The following TBC1D9B variants were observed in gnomAD, a reference collection of about 807,000 sequenced individuals.
TBC1D9B encodes the protein TBC1 domain family, member 9B (with GRAM domain).
In TBC1D9B, 87 loss-of-function variants were observed where a neutral mutation model predicts 121.1. The ratio of observed to expected loss-of-function variants is 0.72; its 90% CI spans 0.60 to 0.86. The LOEUF (loss-of-function observed/expected upper bound fraction) is 0.86, where lower values mean the gene tolerates loss of function less well. Among genes scored for constraint, TBC1D9B ranks in the 40% least tolerant of loss-of-function variants. The probability of loss-of-function intolerance (pLI) is 0.00; values close to 1 mark genes in which losing one functional copy is unlikely to be tolerated. For synonymous variants in TBC1D9B, 668 were observed against 670.1 expected, an observed-to-expected ratio of 1.00 and a Z score of 0.05; for missense variants, 1,540 against 1,628.6, an observed-to-expected ratio of 0.95 and a Z score of 0.94.
intron 6 of TBC1D9B, 64 bp from the exon 7 acceptor site, chr5:179,888,376 G>T: frequency 1.3e-6 from 2 of 1,497,030 alleles, no homozygotes; most frequent in Non-Finnish European, 1.8e-6. Context: ...GGCATGCTTT[G>T]TGAATGGCAG....
At chr5:179,871,554 A>G in intron 14 of TBC1D9B, 24 bp from the exon 15 acceptor site, 2 of 1,609,072 alleles carry the variant, frequency 1.2e-6, no homozygotes. Flanking sequence ...GAAACAGGGT[A>G]TATAGCTGGA....
At chr5:179,869,895 G>T (rs1582076466) in intron 16 of TBC1D9B, 61 bp from the exon 17 acceptor site, 2 of 1,458,996 alleles carry the variant, frequency 1.4e-6, no homozygotes, top group East Asian at 2.3e-5. Flanking sequence ...CCTTCCAGGG[G>T]GTCCGAGTAG....
intron 17 of TBC1D9B, 28 bp downstream of exon 17, chr5:179,869,741 G>A: frequency 6.2e-7 from 1 of 1,610,972 alleles, no homozygotes; most frequent in Non-Finnish European, 8.5e-7. Flanking sequence ...GGGAGACCCT[G>A]GCTGGGGAGT....
rs1760309450 is a variant in TBC1D9B, at chr5:179,874,737, T to C, written c.2186+165A>G. On this transcript the variant is annotated intron_variant, in intron 12 of 20. Coordinates refer to ENST00000355235, the MANE Select transcript of TBC1D9B (RefSeq NM_015043.4). The surrounding 1 kb of genome is among the most constrained non-coding windows in gnomAD (Gnocchi z 4.3). The stretch of plus-strand genomic sequence containing the variant: ...GCACCTATCACTGAGCGCTGCTTCA[T>C]CTCCCACTAGAAAGGAGCCGCCTCC... 6.6e-6 allele frequency among the ~76,000 whole-genome samples: 1 copy of C among 152,160 alleles called. No individual in the cohort carries two copies. Among genetic ancestry groups the C allele is most frequent in the Non-Finnish European group, 1.5e-5 (1 of 68,014 alleles).
At chr5:179,879,320 G>A (rs934290135) in intron 8 of TBC1D9B, 123 bp from the exon 9 acceptor site, 17 of 1,421,150 alleles carry the variant, frequency 1.2e-5, no homozygotes, top group African/African-American at 5.7e-5. Flanking sequence ...GGCCTTCCTC[G>A]CAATTCCCGG....
Position 179,869,657 on chromosome 5 carries a change from G to A in TBC1D9B, c.2791+112C>T, listed in dbSNP as rs771065597. ...CCTCCAATGTGAACCTCCAGCCTGC[G>A]ACGCTGCTGTGCCCCCTCGAGGCCC... On this transcript the variant is annotated intron_variant, in intron 17 of 20. Coordinates refer to ENST00000355235, the MANE Select transcript of TBC1D9B (RefSeq NM_015043.4). 31 of 1,175,768 alleles carry A rather than the reference G, an allele frequency of 2.6e-5. 1 individual carries two copies. In the Middle Eastern group the frequency reaches 1.3e-3, roughly 50 times the overall value. 72.8% of individuals were successfully genotyped at this position (1,175,768 alleles called of 1,614,324 possible).
chr5:179,900,309 G>A (rs978399577), intron 2 of TBC1D9B, among the ~76,000 whole-genome samples: 1 of 152,228 alleles, frequency 6.6e-6, no homozygotes, highest in African/African-American at 2.4e-5. Flanking sequence ...AGCCCCGGGG[G>A]AAGAGCAAAG....
intron 10 of TBC1D9B, among the ~76,000 whole-genome samples, chr5:179,877,815 C>A (rs74447348): frequency 3.3e-5 from 5 of 152,086 alleles, no homozygotes; most frequent in African/African-American, 1.2e-4. Context: ...CACAGTAAGG[C>A]AAATACTGTG....
intron 10 of TBC1D9B, among the ~76,000 whole-genome samples, 174 bp from the exon 11 acceptor site, chr5:179,876,211 C>G (rs1561637528): frequency 6.6e-6 from 1 of 152,262 alleles, no homozygotes; most frequent in South Asian, 2.1e-4. Context: ...TGGCCTCCTC[C>G]TACAAGCAAA....
intron 2 of TBC1D9B, among the ~76,000 whole-genome samples, 180 bp from the exon 3 acceptor site, chr5:179,899,487 C>G (rs1167266698): frequency 6.6e-6 from 1 of 152,108 alleles, no homozygotes; most frequent in Non-Finnish European, 1.5e-5. Flanking sequence ...ATAAATGGTC[C>G]TGGTAAAAAA....
At position 179,904,721 on chromosome 5, in the gene TBC1D9B, G is replaced by T; in HGVS notation, c.210C>A (p.Val70=). The change falls in exon 2 of 21, where the codon GTC becomes GTA. Residue 70 remains valine, a synonymous_variant. Transcript: ENST00000355235. The surrounding 1 kb of genome is among the most constrained non-coding windows in gnomAD (Gnocchi z 4.2). ...ACCTACCACACGCCACTGTCCAGTA[G>T]ACCTGGGAGTCCTGGGTCTGGTGCA... ...RILHQTQDSQ[V]YWTVACGSSR... is the part of the protein sequence containing the mutation. 3.2e-6 allele frequency: 5 copies of T among 1,573,610 alleles called. No homozygotes were observed. The highest frequency in any genetic ancestry group is 4.3e-6 in the Non-Finnish European group (5 of 1,159,682).
chr5:179,899,043 A>G (rs1761096535), intron 3 of TBC1D9B, 146 bp downstream of exon 3: 4 of 648,818 alleles, frequency 6.2e-6, no homozygotes, highest in African/African-American at 5.5e-5. Flanking sequence ...GCCCCTTTCA[A>G]CTCCAAGAGA....
chr5:179,867,139 C>G (rs945794787), intron 18 of TBC1D9B: 2 of 320,986 alleles, frequency 6.2e-6, no homozygotes, highest in African/African-American at 4.1e-5. Context: ...CTTTCACACG[C>G]TCCAATGACA....
chr5:179,878,384 G>C lies in TBC1D9B; in HGVS notation c.1707C>G (p.Asn569Lys), dbSNP rs754385724. Residue 569 changes from asparagine to lysine, a missense_variant, in exon 10 of 21, where the codon AAC (asparagine) becomes AAG (lysine). By Grantham distance (94) the Asn-to-Lys change is moderately conservative. Transcript: ENST00000355235. ...GCCGGAGGGCAGCAATCCCCAGCTC[G>C]TTCTGGAAGGCAGGGTGCTCGGGCA... ...RSMPEHPAFQ[N>K]ELGIAALRRV... 1.2e-6 allele frequency: 2 copies of C among 1,613,896 alleles called. No individual in the cohort carries two copies. Among genetic ancestry groups the C allele is most frequent in the African/African-American group, 1.3e-5 (1 of 74,930 alleles).
In TBC1D9B at chr5:179,865,973, G is replaced by C; in HGVS notation, c.2864-85C>G. 1 of 1,545,738 alleles carries C rather than the reference G, an allele frequency of 6.5e-7. No homozygotes were observed. The highest frequency in any genetic ancestry group is 8.9e-7 in the Non-Finnish European group (1 of 1,120,096). ...TCCTGGGGTCCTTGAGATGTAGTCT[G>C]TGTTTCTGTACAGCCAGCCCCAGGC... On this transcript the variant is annotated intron_variant, in intron 18 of 20. Coordinates refer to ENST00000355235, the MANE Select transcript of TBC1D9B (RefSeq NM_015043.4). This position sits in a 1 kb window ranked among gnomAD's most constrained non-coding sequence, Gnocchi z 5.1.
In TBC1D9B at chr5:179,865,883, G is replaced by A. The variant is rs1372321192; in HGVS notation, c.2869C>T (p.Leu957=). Residue 957 remains leucine, a synonymous_variant, in exon 19 of 21, where the codon CTA becomes TTA. Transcript: ENST00000355235. This position sits in a 1 kb window ranked among gnomAD's most constrained non-coding sequence, Gnocchi z 5.1. ...CTTCCTTCTTGCTCTTCCTGTGGTAGTGCTTCTGGACAAACGCAAAAATAA... is the reference window on the plus strand; with the variant it reads ...CTTCCTTCTTGCTCTTCCTGTGGTAATGCTTCTGGACAAACGCAAAAATAA... ...FTEDSSSEEA[L]PQEEQEGSGS... is the part of the protein sequence containing the mutation. 4.3e-6 allele frequency: 7 copies of A among 1,613,696 alleles called. No individual in the cohort carries two copies. The East Asian group carries it at 1.6e-4, about 36-fold the overall frequency.
Position 179,865,773 on chromosome 5 carries a change from G to C in TBC1D9B, c.2914+65C>G, listed in dbSNP as rs1759989409. On this transcript the variant is annotated intron_variant, in intron 19 of 20. Transcript: ENST00000355235. This position sits in a 1 kb window ranked among gnomAD's most constrained non-coding sequence, Gnocchi z 5.1. ...GCTCCCTGGCAGTGACTGGGGAAAA[G>C]ACCAGCAAGCAAGGGTGCCTCAACG... 6.6e-7 allele frequency: 1 copy of C among 1,515,452 alleles called. No homozygotes were observed. Among genetic ancestry groups the C allele is most frequent in the Non-Finnish European group, 8.9e-7 (1 of 1,124,024 alleles). The allele number at this position is 1,515,452 out of a possible 1,614,324, so 93.9% of individuals were successfully genotyped here.
rs1760838510 is a variant in TBC1D9B at position 179,890,704 on chromosome 5, A to C, written c.1044+675T>G. 1.3e-5 allele frequency among the ~76,000 whole-genome samples: 2 copies of C among 152,180 alleles called. No homozygotes were observed. The highest frequency in any genetic ancestry group is 6.5e-5 in the Admixed American group (1 of 15,274). On this transcript the variant is annotated intron_variant, in intron 6 of 20. Transcript: ENST00000355235. This position sits in a 1 kb window ranked among gnomAD's most constrained non-coding sequence, Gnocchi z 5.0. ...CAGAGCCCTGCTTGGCCACAAGGAA[A>C]AGGAGGCCTTGGGACCTGTCCTGAC...
intron 8 of TBC1D9B, 131 bp downstream of exon 8, chr5:179,879,497 A>G: frequency 7.1e-7 from 1 of 1,408,848 alleles, no homozygotes; most frequent in Admixed American, 1.9e-5. Context: ...GCCAGGGTGC[A>G]GCCTGGGTGG....
Sources: allele counts gnomAD v4.1 joint callset (sites outside exome capture counted in the v4.1 genomes callset), GRCh38; gene constraint gnomAD v4.1.1; non-coding constraint Gnocchi (gnomAD v3.1); transcripts MANE v1.5; gene names NCBI Gene and HGNC (gene_info 2026-07-23, HGNC 2026-07-21).